The following NCAM2 variants were observed in gnomAD, a reference collection of about 807,000 sequenced individuals.
The protein encoded by NCAM2 is neural cell adhesion molecule 2.
Under a neutral mutation model 98.1 loss-of-function variants are expected in NCAM2, and 30 were observed. The ratio of observed to expected loss-of-function variants is 0.31; its 90% CI spans 0.23 to 0.41. NCAM2 has a LOEUF of 0.41. Ranked by LOEUF, NCAM2 falls within the 10% of genes least tolerant of loss-of-function variation. The pLI is 1.00. For missense variants in NCAM2, 867 were observed against 1,005.8 expected, an observed-to-expected ratio of 0.86 and a Z score of 1.87; for synonymous variants, 368 against 342.4, an observed-to-expected ratio of 1.07 and a Z score of -0.83.
intron 5 of NCAM2, among the ~76,000 whole-genome samples, chr21:21,310,303 C>T (rs2074005678): frequency 6.6e-6 from 1 of 152,072 alleles, no homozygotes; most frequent in African/African-American, 2.4e-5. Context: ...GCACTATGAA[C>T]TGAAACATGG....
At chr21:21,213,431 A>G (rs1200771475) in intron 1 of NCAM2, among the ~76,000 whole-genome samples, 4 of 152,236 alleles carry the variant, frequency 2.6e-5, no homozygotes, top group African/African-American at 9.6e-5. Flanking sequence ...GTTATTTAAT[A>G]TATGATGTAT....
intron 1 of NCAM2, among the ~76,000 whole-genome samples, chr21:21,001,903 T>C (rs180902577): frequency 3.3e-5 from 5 of 152,298 alleles, no homozygotes; most frequent in Admixed American, 1.3e-4. Context: ...TACAGCAATG[T>C]ACCTTCTAAA....
At chr21:21,012,537 A>G (rs2064230618) in intron 1 of NCAM2, among the ~76,000 whole-genome samples, 1 of 152,168 alleles carries the variant, frequency 6.6e-6, no homozygotes, top group African/African-American at 2.4e-5. Context: ...TTTTAATTTC[A>G]TATTTCTACT....
chr21:21,271,877 C>T (rs2072513393), intron 1 of NCAM2, among the ~76,000 whole-genome samples: 1 of 152,088 alleles, frequency 6.6e-6, no homozygotes, highest in South Asian at 2.1e-4. Context: ...GGGAACATCA[C>T]ACACCGGGGC....
intron 13 of NCAM2, 27 bp from the exon 14 acceptor site, chr21:21,468,635 T>C: frequency 6.3e-7 from 1 of 1,586,146 alleles, no homozygotes; most frequent in Non-Finnish European, 8.6e-7. Context: ...TGTGTGCAAA[T>C]GAAGAAATGT....
At chr21:21,292,032 T>A in intron 4 of NCAM2, 72 bp from the exon 5 acceptor site, 1 of 1,433,360 alleles carries the variant, frequency 7.0e-7, no homozygotes, top group Non-Finnish European at 9.4e-7. Context: ...TTTTAACTCT[T>A]AACAATTTAG....
intron 12 of NCAM2, among the ~76,000 whole-genome samples, chr21:21,458,787 C>G (rs527325978): frequency 6.6e-5 from 10 of 152,164 alleles, no homozygotes; most frequent in African/African-American, 1.9e-4. Context: ...TTGGTCTGCA[C>G]AATGATTATT....
chr21:21,442,009 A>G (rs192892392), intron 12 of NCAM2, among the ~76,000 whole-genome samples: 43 of 152,314 alleles, frequency 2.8e-4, no homozygotes, highest in Middle Eastern at 3.4e-3. Context: ...TCTAGACTTC[A>G]TTTTAACAAG....
At chr21:21,231,982 A>G (rs1024145937) in intron 1 of NCAM2, among the ~76,000 whole-genome samples, 2 of 151,522 alleles carry the variant, frequency 1.3e-5, no homozygotes, top group East Asian at 3.9e-4. Context: ...CTTAATTGTA[A>G]TACATTTTCC....
chr21:21,148,859 T>G (rs1444248603), intron 1 of NCAM2, among the ~76,000 whole-genome samples: 3 of 152,190 alleles, frequency 2.0e-5, no homozygotes, highest in Non-Finnish European at 2.9e-5. Context: ...AGTGTCAGTC[T>G]AAAGTTGTAT....
intron 1 of NCAM2, among the ~76,000 whole-genome samples, chr21:21,109,900 A>T (rs1220989245): frequency 1.3e-5 from 2 of 152,204 alleles, no homozygotes; most frequent in East Asian, 3.9e-4. Context: ...GGCACAGGGT[A>T]TGTATTTTCT....
At chr21:21,119,458 G>A (rs958249778) in intron 1 of NCAM2, among the ~76,000 whole-genome samples, 3 of 152,130 alleles carry the variant, frequency 2.0e-5, no homozygotes, top group African/African-American at 7.2e-5. Context: ...TAAAAGAATT[G>A]TAGTATTGTT....
At chr21:21,240,224 T>C (rs1231593819) in intron 1 of NCAM2, among the ~76,000 whole-genome samples, 1 of 152,164 alleles carries the variant, frequency 6.6e-6, no homozygotes, top group Non-Finnish European at 1.5e-5. Context: ...TCAGCCATTT[T>C]TGGATTGTCA....
At chr21:21,004,181 A>G (rs574762042) in intron 1 of NCAM2, among the ~76,000 whole-genome samples, 1 of 152,332 alleles carries the variant, frequency 6.6e-6, no homozygotes, top group Admixed American at 6.5e-5. Context: ...ATATATCTTC[A>G]GCTCAAAGTA....
At chr21:21,072,321 A>T (rs1368348261) in intron 1 of NCAM2, among the ~76,000 whole-genome samples, 2 of 152,202 alleles carry the variant, frequency 1.3e-5, no homozygotes, top group Non-Finnish European at 2.9e-5. Flanking sequence ...TATTGTAAGG[A>T]AAGAGTGACC....
intron 5 of NCAM2, among the ~76,000 whole-genome samples, chr21:21,305,061 T>TA (rs2073837771): frequency 1.3e-5 from 2 of 152,294 alleles, no homozygotes; most frequent in South Asian, 4.1e-4. Context: ...CTCACGCCTG[T>TA]AATCCCAGCA....
intron 1 of NCAM2, among the ~76,000 whole-genome samples, chr21:21,250,024 G>C (rs2071416102): frequency 6.6e-6 from 1 of 152,154 alleles, no homozygotes; most frequent in Non-Finnish European, 1.5e-5. Flanking sequence ...TGTGCTGTTT[G>C]AAAATGTGCA....
At chr21:21,385,524 C>G in intron 9 of NCAM2, 1 of 583,840 alleles carries the variant, frequency 1.7e-6, no homozygotes, top group South Asian at 1.5e-5. Flanking sequence ...TGATAGAAGC[C>G]GCATTTACTG....
At chr21:21,251,903 A>G (rs1053120941) in intron 1 of NCAM2, among the ~76,000 whole-genome samples, 7 of 152,092 alleles carry the variant, frequency 4.6e-5, no homozygotes, top group Non-Finnish European at 1.0e-4. Context: ...CTTTAGTTAA[A>G]TTAGATCCTG....
Sources: gnomAD v4.1 joint callset for allele counts (sites outside exome capture counted in the v4.1 genomes callset) on GRCh38, gnomAD v4.1.1 for gene constraint, MANE v1.5 for transcripts, NCBI Gene and HGNC (gene_info 2026-07-23, HGNC 2026-07-21) for gene names.